Variants in KCNH7 observed in about 807,000 individuals in gnomAD.
KCNH7 encodes voltage-gated inwardly rectifying potassium channel KCNH7.
Under a neutral mutation model 120.8 loss-of-function variants are expected in KCNH7, and 49 were observed. The ratio of observed to expected loss-of-function variants is 0.41; its 90% CI spans 0.32 to 0.51. KCNH7 has a LOEUF of 0.51. Among genes scored for constraint, KCNH7 ranks in the 20% least tolerant of loss-of-function variants. KCNH7 has a pLI of 0.38. For missense variants in KCNH7, 1,097 were observed against 1,446.6 expected, an observed-to-expected ratio of 0.76 and a Z score of 3.92; for synonymous variants, 547 against 516.1, an observed-to-expected ratio of 1.06 and a Z score of -0.81.
At chr2:162,573,878 T>C (rs967061016) in intron 2 of KCNH7, among the ~76,000 whole-genome samples, 14 of 151,970 alleles carry the variant, frequency 9.2e-5, no homozygotes, top group Non-Finnish European at 2.1e-4. Context: ...TTAATACCTA[T>C]GCAAGGACAT....
At chr2:162,417,771 G>A (rs1687583507) in intron 9 of KCNH7, among the ~76,000 whole-genome samples, 1 of 152,166 alleles carries the variant, frequency 6.6e-6, no homozygotes, top group South Asian at 2.1e-4. Flanking sequence ...AGACCAGGAT[G>A]AAGTGACCAT....
intron 2 of KCNH7, among the ~76,000 whole-genome samples, chr2:162,665,863 C>T (rs1173295928): frequency 6.6e-6 from 1 of 152,132 alleles, no homozygotes; most frequent in Non-Finnish European, 1.5e-5. Context: ...AACTAGCCTC[C>T]TTATTCTTCC....
chr2:162,590,165 T>C (rs1184133640), intron 2 of KCNH7, among the ~76,000 whole-genome samples: 1 of 152,080 alleles, frequency 6.6e-6, no homozygotes, highest in Non-Finnish European at 1.5e-5. Context: ...AATTGGTTTT[T>C]AGAGCCTTTT....
At chr2:162,660,469 G>T (rs914936920) in intron 2 of KCNH7, among the ~76,000 whole-genome samples, 1 of 152,110 alleles carries the variant, frequency 6.6e-6, no homozygotes, top group Non-Finnish European at 1.5e-5. Context: ...TGGTCTGAGA[G>T]TATCCATTGT....
At chr2:162,473,039 G>A (rs923329044) in intron 6 of KCNH7, among the ~76,000 whole-genome samples, 2 of 152,006 alleles carry the variant, frequency 1.3e-5, no homozygotes, top group African/African-American at 4.8e-5. Flanking sequence ...CTTGGACACA[G>A]GAAGGGGAAC....
At chr2:162,599,147 G>C (rs1353233397) in intron 2 of KCNH7, among the ~76,000 whole-genome samples, 1 of 151,984 alleles carries the variant, frequency 6.6e-6, no homozygotes, top group Non-Finnish European at 1.5e-5. Context: ...GGAGGTTGCA[G>C]TGAGCCAAGA....
chr2:162,562,777 G>A (rs566454869), intron 2 of KCNH7, among the ~76,000 whole-genome samples: 4 of 152,228 alleles, frequency 2.6e-5, no homozygotes, highest in African/African-American at 9.6e-5. Flanking sequence ...TCTTTGTCTT[G>A]CCCATCTTGC....
At chr2:162,767,256 A>G (rs1332392814) in intron 2 of KCNH7, among the ~76,000 whole-genome samples, 5 of 151,940 alleles carry the variant, frequency 3.3e-5, no homozygotes, top group South Asian at 4.1e-4. Context: ...TACTCAGTTA[A>G]AGAGTATGGC....
chr2:162,777,825 C>T (rs1256383798), intron 2 of KCNH7, among the ~76,000 whole-genome samples: 1 of 152,020 alleles, frequency 6.6e-6, no homozygotes, highest in African/African-American at 2.4e-5. Context: ...TTTATTTGGT[C>T]CCTTGTGTGA....
At chr2:162,679,551 A>G (rs1165697491) in intron 2 of KCNH7, among the ~76,000 whole-genome samples, 1 of 151,730 alleles carries the variant, frequency 6.6e-6, no homozygotes, top group Admixed American at 6.6e-5. Flanking sequence ...TTTGAAATAT[A>G]GGATCAATTT....
At chr2:162,402,600 T>C (rs929992639) in intron 9 of KCNH7, among the ~76,000 whole-genome samples, 2 of 151,540 alleles carry the variant, frequency 1.3e-5, no homozygotes, top group Non-Finnish European at 2.9e-5. Flanking sequence ...ACAAAACAAA[T>C]GAATTCATCT....
intron 2 of KCNH7, among the ~76,000 whole-genome samples, chr2:162,593,350 T>C (rs183991248): frequency 3.3e-5 from 5 of 152,224 alleles, no homozygotes; most frequent in African/African-American, 1.2e-4. Flanking sequence ...ACAGGTGTTC[T>C]GTATTATTGA....
chr2:162,811,312 G>T (rs13426153), intron 2 of KCNH7, among the ~76,000 whole-genome samples: 5,326 of 152,166 alleles, frequency 0.035, 290 homozygotes, highest in African/African-American at 0.12. Flanking sequence ...GATTGTATTT[G>T]AAAATATTAT....
rs543915481 is a variant in KCNH7, at chr2:162,680,569, G to T, written c.308-143489C>A. Among the ~76,000 whole-genome samples the T allele has an allele frequency of 3.3e-5, 5 of 151,776 alleles. No individual in the cohort carries two copies. In the East Asian group the frequency reaches 9.7e-4, roughly 29 times the overall value. On this transcript the variant is annotated intron_variant, in intron 2 of 15. Coordinates refer to ENST00000332142, the MANE Select transcript of KCNH7 (RefSeq NM_033272.4). Reference sequence around the variant, plus strand: ...ATAGACTCAGTTCCAGTAACTAGGGGTTACAGCAGTGAACAAGACACATCT... The same window carrying T: ...ATAGACTCAGTTCCAGTAACTAGGGTTTACAGCAGTGAACAAGACACATCT...
intron 2 of KCNH7, among the ~76,000 whole-genome samples, chr2:162,798,572 T>C (rs569216920): frequency 6.6e-6 from 1 of 152,190 alleles, no homozygotes; most frequent in South Asian, 2.1e-4. Flanking sequence ...TCCAAATGCA[T>C]TATTGGTGAA....
intron 8 of KCNH7, among the ~76,000 whole-genome samples, chr2:162,430,534 G>C (rs1432208897): frequency 1.3e-5 from 2 of 152,048 alleles, no homozygotes; most frequent in African/African-American, 4.8e-5. Context: ...TGTGTTCACT[G>C]TGGTCCAGGA....
chr2:162,709,658 T>C (rs1465739016), intron 2 of KCNH7, among the ~76,000 whole-genome samples: 18 of 152,160 alleles, frequency 1.2e-4, no homozygotes, highest in Admixed American at 8.5e-4. Context: ...GATCTGTTTA[T>C]ACTTTTCCCA....
At chr2:162,463,723 C>T (rs1176213898) in intron 6 of KCNH7, among the ~76,000 whole-genome samples, 1 of 150,876 alleles carries the variant, frequency 6.6e-6, no homozygotes, top group South Asian at 2.1e-4. Flanking sequence ...CTCAGAAATA[C>T]AGTACTCCCT....
At chr2:162,788,749 G>A (rs1238886595) in intron 2 of KCNH7, among the ~76,000 whole-genome samples, 3 of 151,828 alleles carry the variant, frequency 2.0e-5, no homozygotes, top group Non-Finnish European at 2.9e-5. Flanking sequence ...TATGGAGAAG[G>A]AGATGAATAT....
Sources: allele counts gnomAD v4.1 joint callset (sites outside exome capture counted in the v4.1 genomes callset), GRCh38; gene constraint gnomAD v4.1.1; transcripts MANE v1.5; gene names NCBI Gene and HGNC (gene_info 2026-07-23, HGNC 2026-07-21).